AIMP1: variants seen among roughly 807,000 people sequenced by gnomAD.
The protein encoded by AIMP1 is aminoacyl tRNA synthase complex-interacting multifunctional protein 1.
In AIMP1, 24 loss-of-function variants were observed where a neutral mutation model predicts 33.1. That is an observed-to-expected ratio of 0.73 (90% CI 0.53 to 1.02). The LOEUF (loss-of-function observed/expected upper bound fraction) is 1.02. AIMP1 is among the 50% of genes least tolerant of loss of function. The probability of loss-of-function intolerance (pLI) is 0.00; values close to 1 mark genes in which losing one functional copy is unlikely to be tolerated. For missense variants in AIMP1, 367 were observed against 364.8 expected (o/e 1.01, Z -0.05); for synonymous variants, 120 against 121.5 (o/e 0.99, Z 0.08).
At chr4:106,329,880 G>A (rs1292769082) in intron 4 of AIMP1, among the ~76,000 whole-genome samples, 1 of 146,556 alleles carries the variant, frequency 6.8e-6, no homozygotes, top group East Asian at 2.2e-4. Flanking sequence ...CCACCTCCCG[G>A]GTTCAAGCAA....
At position 106,338,957 on chromosome 4, in the gene AIMP1, A is replaced by G. The variant is rs1017720234; in HGVS notation, c.772+1920A>G. On this transcript the variant is annotated intron_variant, in intron 6 of 6. Transcript: ENST00000672341. ...ATGGCGTCAAAGGAGATCATTTTGGAACTTTGAGGTTTGATGACTACCCTG... is the reference window on the plus strand; with the variant it reads ...ATGGCGTCAAAGGAGATCATTTTGGGACTTTGAGGTTTGATGACTACCCTG... 2.6e-5 allele frequency among the ~76,000 whole-genome samples: 4 copies of G among 152,018 alleles called. No individual in the cohort carries two copies. The South Asian group carries it at 8.3e-4, about 32-fold the overall frequency.
At chr4:106,316,957 A>G (rs1398818450) in intron 1 of AIMP1, among the ~76,000 whole-genome samples, 1 of 152,226 alleles carries the variant, frequency 6.6e-6, no homozygotes, top group East Asian at 1.9e-4. Context: ...CGCCCACTCT[A>G]TTCCAGACAC....
At chr4:106,329,557 A>G (rs765263178) in intron 4 of AIMP1, among the ~76,000 whole-genome samples, 2 of 152,188 alleles carry the variant, frequency 1.3e-5, no homozygotes, top group Non-Finnish European at 2.9e-5. Flanking sequence ...TGGTTATTAA[A>G]GATTTGAAAT....
intron 4 of AIMP1, among the ~76,000 whole-genome samples, chr4:106,329,772 C>CTTTTTTTTTTTTT (rs59016309): frequency 1.9e-5 from 1 of 53,062 alleles, no homozygotes; most frequent in Non-Finnish European, 3.8e-5. Flanking sequence ...TGCTACATAT[C>CTTTTTTTTTTTTT]TTTTTTTTTT....
chr4:106,316,451 G>T, upstream of AIMP1: 4 of 1,237,816 alleles, frequency 3.2e-6, no homozygotes, highest in Non-Finnish European at 4.6e-6. Context: ...GAGGAAGAAA[G>T]AATTGAGGGT....
At chr4:106,325,239 A>G (rs1034851134) in intron 2 of AIMP1, 121 bp downstream of exon 2, 68 of 945,528 alleles carry the variant, frequency 7.2e-5, no homozygotes, top group Non-Finnish European at 1.0e-4. Context: ...TGTTATATGT[A>G]GAAAAATATC....
intron 1 of AIMP1, among the ~76,000 whole-genome samples, chr4:106,321,807 G>T (rs1009741016): frequency 3.3e-5 from 5 of 152,248 alleles, no homozygotes; most frequent in Non-Finnish European, 5.9e-5. Context: ...CTGTGTCTGT[G>T]TGGAAAGAAG....
chr4:106,331,067 A>T (rs1386696599), intron 4 of AIMP1, among the ~76,000 whole-genome samples: 2 of 152,230 alleles, frequency 1.3e-5, no homozygotes, highest in Admixed American at 1.3e-4. Context: ...GAGAAATCTA[A>T]GAAATGGAGA....
Position 106,349,326 on chromosome 4 carries a change from C to T in AIMP1, c.*1634C>T, listed in dbSNP as rs1367408647. ...ACTACCTAGGTAGTTGAAATTTTCC[C>T]AACTAAATGTTGAAATACTGTACCC... is the stretch of plus-strand genomic sequence containing the variant. On this transcript the variant is annotated 3_prime_UTR_variant, in exon 7 of 7. Coordinates refer to ENST00000672341, the MANE Select transcript of AIMP1 (RefSeq NM_001142416.2). 1 of 151,206 alleles carries T rather than the reference C, an allele frequency of 6.6e-6. No individual in the cohort carries two copies. The allele number at this position is 151,206 out of a possible 1,614,324, so 9.4% of individuals were successfully genotyped here.
rs917218122 is a variant in AIMP1 at position 106,347,702 on chromosome 4, A to G, written c.*10A>G. ...CAGTGGAATCAAATAAAATGCTTCC[A>G]CTACCAAAAGACATTAGAGAAAACC... On this transcript the variant is annotated 3_prime_UTR_variant, in exon 7 of 7. Coordinates refer to ENST00000672341, the MANE Select transcript of AIMP1 (RefSeq NM_001142416.2). The G allele has an allele frequency of 1.2e-6, 2 of 1,611,744 alleles. No individual in the cohort carries two copies. Among genetic ancestry groups the G allele is most frequent in the East Asian group, 4.5e-5 (2 of 44,700 alleles).
At chr4:106,316,535 T>G, upstream of AIMP1, 1 of 1,551,596 alleles carries the variant, frequency 6.4e-7, no homozygotes, top group Non-Finnish European at 8.7e-7. Context: ...AGTACGCGGG[T>G]GGCTGGACCT....
chr4:106,324,753 C>T (rs1009728013), intron 1 of AIMP1, among the ~76,000 whole-genome samples: 1 of 152,030 alleles, frequency 6.6e-6, no homozygotes, highest in African/African-American at 2.4e-5. Flanking sequence ...AGCCTGTTTT[C>T]TGCATTTAAG....
rs943676017 is a variant in AIMP1 at position 106,331,763 on chromosome 4, C to G, written c.483C>G (p.Cys161Trp). The G allele has an allele frequency of 2.5e-6, 4 of 1,613,988 alleles. No individual in the cohort carries two copies. In the African/African-American group the frequency reaches 5.3e-5, roughly 22 times the overall value. ...DVSRLDLRIG[C>W]IITARKHPDA... is the part of the protein sequence containing the mutation. ...CCCGTCTGGATCTTCGAATTGGTTG[C>G]ATCATAACTGCTAGAAAACACCCTG... is the stretch of plus-strand genomic sequence containing the variant. The change falls in exon 5 of 7, where the codon TGC becomes TGG. Residue 161 changes from cysteine (C) to tryptophan (W), a missense_variant. By Grantham distance (215) the Cys-to-Trp change is radical. Coordinates refer to ENST00000672341, the MANE Select transcript of AIMP1 (RefSeq NM_001142416.2).
intron 5 of AIMP1, among the ~76,000 whole-genome samples, chr4:106,332,607 A>G (rs1278934351): frequency 6.9e-6 from 1 of 144,048 alleles, no homozygotes; most frequent in Non-Finnish European, 1.5e-5. Flanking sequence ...ATATATATAC[A>G]GAGATACATA....
intron 6 of AIMP1, among the ~76,000 whole-genome samples, chr4:106,345,884 A>G (rs1055621802): frequency 6.7e-6 from 1 of 148,322 alleles, no homozygotes; most frequent in Non-Finnish European, 1.5e-5. Flanking sequence ...CCTAATATAA[A>G]ATATAAATAT....
intron 1 of AIMP1, among the ~76,000 whole-genome samples, chr4:106,322,743 G>T (rs527594558): frequency 6.6e-5 from 10 of 152,222 alleles, no homozygotes; most frequent in African/African-American, 2.4e-4. Context: ...CCAGCACCTT[G>T]GGAAGCCGAG....
At chr4:106,338,063 A>C (rs761613706) in intron 6 of AIMP1, among the ~76,000 whole-genome samples, 2 of 152,234 alleles carry the variant, frequency 1.3e-5, no homozygotes, top group Non-Finnish European at 2.9e-5. Context: ...CTAAGCAGCA[A>C]AGCATTTAAG....
intron 6 of AIMP1, among the ~76,000 whole-genome samples, chr4:106,337,599 T>G (rs777807289): frequency 6.6e-6 from 1 of 152,230 alleles, no homozygotes; most frequent in Non-Finnish European, 1.5e-5. Context: ...TATATCTTTA[T>G]TAGCAGCGTG....
intron 1 of AIMP1, among the ~76,000 whole-genome samples, chr4:106,322,983 CAAAAAAA>C (rs201904801): frequency 1.0e-5 from 1 of 95,872 alleles, no homozygotes; most frequent in South Asian, 3.3e-4. Flanking sequence ...GACTCTGTCT[CAAAAAAA>C]AAAAAAAAAA....
Sources: gnomAD v4.1 joint callset for allele counts (sites outside exome capture counted in the v4.1 genomes callset) on GRCh38, gnomAD v4.1.1 for gene constraint, MANE v1.5 for transcripts, NCBI Gene and HGNC (gene_info 2026-07-23, HGNC 2026-07-21) for gene names.